SHISA9: variants seen among roughly 807,000 people sequenced by gnomAD.
The protein encoded by SHISA9 is protein shisa-9.
Under a neutral mutation model 38.0 loss-of-function variants are expected in SHISA9, and 13 were observed. That is an observed-to-expected ratio of 0.34 (90% CI 0.22 to 0.54). The LOEUF is 0.54. Among genes scored for constraint, SHISA9 ranks in the 20% least tolerant of loss-of-function variants. The probability of loss-of-function intolerance (pLI) is 0.91; values close to 1 mark genes in which losing one functional copy is unlikely to be tolerated. For missense variants in SHISA9, 538 were observed against 575.8 expected (o/e 0.93, Z 0.67); for synonymous variants, 275 against 242.0 (o/e 1.14, Z -1.27).
intron 2 of SHISA9, among the ~76,000 whole-genome samples, chr16:12,955,585 A>G (rs1057197744): frequency 6.6e-6 from 1 of 151,802 alleles, no homozygotes; most frequent in South Asian, 2.1e-4. Context: ...CAAATAGAGA[A>G]CCCAGAAATA....
intron 2 of SHISA9, among the ~76,000 whole-genome samples, chr16:12,931,331 A>C (rs1053462954): frequency 6.6e-6 from 1 of 152,108 alleles, no homozygotes; most frequent in Admixed American, 6.6e-5. Flanking sequence ...GGTTTGTTAC[A>C]TGGGTATATT....
chr16:13,222,671 A>G (rs2051238469), intron 4 of SHISA9, among the ~76,000 whole-genome samples: 1 of 152,108 alleles, frequency 6.6e-6, no homozygotes, highest in African/African-American at 2.4e-5. Flanking sequence ...CAGCCACAGC[A>G]TCTTCTCTGA....
chr16:13,464,010 C>G, the SHISA9 span, among the ~76,000 whole-genome samples: 2 of 152,254 alleles, frequency 1.3e-5, no homozygotes, highest in Non-Finnish European at 2.9e-5. Context: ...CAGGTTCTCT[C>G]AGACTCAAAC....
chr16:13,092,181 C>A (rs1487238293), intron 2 of SHISA9, among the ~76,000 whole-genome samples: 1 of 152,206 alleles, frequency 6.6e-6, no homozygotes, highest in Non-Finnish European at 1.5e-5. Context: ...CTGCCTGATC[C>A]TTACTCTGGA....
At chr16:13,499,120 C>G in the SHISA9 span, among the ~76,000 whole-genome samples, 1 of 152,192 alleles carries the variant, frequency 6.6e-6, no homozygotes, top group Non-Finnish European at 1.5e-5. Flanking sequence ...GTTTCCCCAC[C>G]TATGCAGCAT....
intron 2 of SHISA9, among the ~76,000 whole-genome samples, chr16:13,172,167 A>G (rs571564818): frequency 1.3e-5 from 2 of 151,980 alleles, no homozygotes; most frequent in South Asian, 2.1e-4. Flanking sequence ...TTCTTTTTCA[A>G]TAGGTACTCT....
At position 13,045,656 on chromosome 16, in the gene SHISA9, A is replaced by T. The variant is rs1406852440; in HGVS notation, c.691+128841A>T. Among the ~76,000 whole-genome samples the T allele has an allele frequency of 4.0e-5, 6 of 151,684 alleles. No individual in the cohort carries two copies. In the East Asian group the frequency reaches 1.2e-3, roughly 30 times the overall value. On this transcript the variant is annotated intron_variant, in intron 2 of 4. Transcript: ENST00000558583. ...GGAGAGGGAGAAATCAGTAACAAAG[A>T]TATAAACCAGATAATTTCAGACCCA...
At chr16:12,990,307 G>A (rs1317086538) in intron 2 of SHISA9, among the ~76,000 whole-genome samples, 1 of 152,136 alleles carries the variant, frequency 6.6e-6, no homozygotes, top group Non-Finnish European at 1.5e-5. Flanking sequence ...CCAGTAACAG[G>A]ATTGCTGGGC....
At chr16:13,488,520 G>C in the SHISA9 span, among the ~76,000 whole-genome samples, 5 of 152,052 alleles carry the variant, frequency 3.3e-5, no homozygotes, top group East Asian at 9.7e-4. Flanking sequence ...TCTTTTTACT[G>C]TACTGTTTCT....
chr16:13,156,343 C>G (rs553381923), intron 2 of SHISA9, among the ~76,000 whole-genome samples: 1 of 152,288 alleles, frequency 6.6e-6, no homozygotes, highest in South Asian at 2.1e-4. Context: ...GTAGTAAACT[C>G]TAAATGAGTG....
At chr16:13,354,780 G>T in the SHISA9 span, among the ~76,000 whole-genome samples, 2 of 152,156 alleles carry the variant, frequency 1.3e-5, no homozygotes, top group Non-Finnish European at 1.5e-5. Context: ...GGAAGAAAAG[G>T]AGTTGTTTTG....
chr16:13,387,254 T>C, the SHISA9 span, among the ~76,000 whole-genome samples: 1 of 152,182 alleles, frequency 6.6e-6, no homozygotes, highest in South Asian at 2.1e-4. Context: ...CATTTGGAAA[T>C]AGAATTGTTG....
the SHISA9 span, among the ~76,000 whole-genome samples, chr16:13,247,400 GGTTCATAA>G: frequency 6.6e-6 from 1 of 152,012 alleles, no homozygotes; most frequent in Admixed American, 6.6e-5. Context: ...ACCTTGAAAG[GGTTCATAA>G]CTCCATTTTA....
chr16:13,300,649 G>A, the SHISA9 span, among the ~76,000 whole-genome samples: 3 of 152,082 alleles, frequency 2.0e-5, no homozygotes, highest in Non-Finnish European at 4.4e-5. Flanking sequence ...GTACTCCCAG[G>A]GAATTCTATT....
intron 2 of SHISA9, among the ~76,000 whole-genome samples, chr16:13,036,377 G>A (rs2073063482): frequency 6.6e-6 from 1 of 152,160 alleles, no homozygotes; most frequent in Non-Finnish European, 1.5e-5. Context: ...ATATAAAATA[G>A]TTCATACTAC....
chr16:13,383,078 A>T, the SHISA9 span, among the ~76,000 whole-genome samples: 2 of 152,236 alleles, frequency 1.3e-5, no homozygotes, highest in Admixed American at 6.5e-5. Context: ...TGGAACTTAC[A>T]TTCTCATGGG....
At position 13,213,818 on chromosome 16, in the gene SHISA9, G is replaced by A. The variant is rs147380101; in HGVS notation, c.895+518G>A. Among the ~76,000 whole-genome samples, 88 of 152,314 alleles carry A rather than the reference G, an allele frequency of 5.8e-4. 1 individual carries two copies. In the East Asian group the frequency reaches 0.015, roughly 27 times the overall value. On this transcript the variant is annotated intron_variant, in intron 4 of 4. Coordinates refer to ENST00000558583, the MANE Select transcript of SHISA9 (RefSeq NM_001145204.3). ...GAAGTTGGTCGACTTGAGTCTGTGAGTTAACCCAGCTGGGTGACCAGACCA... is the reference window on the plus strand; with the variant it reads ...GAAGTTGGTCGACTTGAGTCTGTGAATTAACCCAGCTGGGTGACCAGACCA...
chr16:13,222,981 T>G (rs2051243628), intron 4 of SHISA9, among the ~76,000 whole-genome samples: 1 of 152,210 alleles, frequency 6.6e-6, no homozygotes, highest in Admixed American at 6.5e-5. Flanking sequence ...CTCTACACGA[T>G]TCTCTTCAAT....
chr16:13,481,872 T>C, the SHISA9 span, among the ~76,000 whole-genome samples: 2 of 152,240 alleles, frequency 1.3e-5, no homozygotes, highest in African/African-American at 2.4e-5. Flanking sequence ...AATCACAAGA[T>C]GGTAGATATC....
Sources: allele counts gnomAD v4.1 joint callset (sites outside exome capture counted in the v4.1 genomes callset), GRCh38; gene constraint gnomAD v4.1.1; transcripts MANE v1.5; gene names NCBI Gene and HGNC (gene_info 2026-07-23, HGNC 2026-07-21).